The following PAX5 variants were observed in gnomAD, a reference collection of about 807,000 sequenced individuals.
The protein encoded by PAX5 is paired box 5, also known as paired box protein Pax-5.
Under a neutral mutation model 43.7 loss-of-function variants are expected in PAX5, and 9 were observed. The observed-to-expected ratio is 0.21, with a 90% CI of 0.12 to 0.36. The LOEUF (loss-of-function observed/expected upper bound fraction) is 0.36. PAX5 is among the 10% of genes least tolerant of loss of function. The pLI, the probability that PAX5 is intolerant of heterozygous loss-of-function variation, is 1.00. For synonymous variants in PAX5, 228 were observed against 214.3 expected (o/e 1.06, Z -0.56); for missense variants, 383 against 532.7 (o/e 0.72, Z 2.77).
chr9:36,907,829 T>A (rs925741829), intron 7 of PAX5, among the ~76,000 whole-genome samples: 4 of 152,176 alleles, frequency 2.6e-5, no homozygotes, highest in Admixed American at 2.6e-4. Context: ...TCTGATGACA[T>A]CTACAGAATG....
chr9:36,846,394 C>A (rs1395556997), intron 9 of PAX5, among the ~76,000 whole-genome samples: 1 of 152,210 alleles, frequency 6.6e-6, no homozygotes, highest in African/African-American at 2.4e-5. Flanking sequence ...CATCACTAAT[C>A]AATCACTGGG....
intron 5 of PAX5, among the ~76,000 whole-genome samples, chr9:36,976,970 C>T (rs1425948107): frequency 6.6e-6 from 1 of 152,216 alleles, no homozygotes; most frequent in Non-Finnish European, 1.5e-5. Context: ...CCCTGAGCTA[C>T]ATACTGGGTA....
At chr9:37,016,933 A>G (rs1588238233) in intron 2 of PAX5, among the ~76,000 whole-genome samples, 1 of 152,228 alleles carries the variant, frequency 6.6e-6, no homozygotes, top group Admixed American at 6.5e-5. Flanking sequence ...TTTTTCATTG[A>G]AAAGAGTGAG....
At chr9:37,017,324 A>C (rs1422540515) in intron 2 of PAX5, among the ~76,000 whole-genome samples, 2 of 152,224 alleles carry the variant, frequency 1.3e-5, no homozygotes, top group East Asian at 1.9e-4. Context: ...TGACTTGCCC[A>C]ACTCCCTTCT....
chr9:36,861,376 C>A (rs780583129), intron 8 of PAX5: 4 of 150,502 alleles, frequency 2.7e-5, no homozygotes, highest in Non-Finnish European at 4.4e-5. Flanking sequence ...ACAGTCCCTG[C>A]CCTCATGGAG....
At chr9:37,017,390 G>A (rs543728095) in intron 2 of PAX5, among the ~76,000 whole-genome samples, 1 of 152,154 alleles carries the variant, frequency 6.6e-6, no homozygotes, top group Non-Finnish European at 1.5e-5. Flanking sequence ...TGCTCTTCCC[G>A]CTACAGCAAG....
rs770122775 is a variant in PAX5, at chr9:37,006,449, A to G, written c.475+24T>C. ...TATTTGGAGCCCATTAGATTTTTAA[A>G]TTTTTTTTAAAAGTTCCTCTTACCT... On this transcript the variant is annotated intron_variant, in intron 4 of 9. Transcript: ENST00000358127. 11 of 1,581,674 alleles carry G rather than the reference A, an allele frequency of 7.0e-6. No individual in the cohort carries two copies. The East Asian group carries it at 2.5e-4, about 35-fold the overall frequency.
chr9:36,918,627 C>T (rs967222366), intron 7 of PAX5, among the ~76,000 whole-genome samples: 1 of 152,178 alleles, frequency 6.6e-6, no homozygotes, highest in Non-Finnish European at 1.5e-5. Context: ...CACCACTGCA[C>T]TCCAGCCTGG....
chr9:36,928,066 T>C (rs1830798412), intron 6 of PAX5, among the ~76,000 whole-genome samples: 1 of 152,218 alleles, frequency 6.6e-6, no homozygotes, highest in Admixed American at 6.5e-5. Flanking sequence ...CAGCCTCTCT[T>C]CTTTGGTGGG....
At chr9:36,967,520 C>T (rs1487994866) in intron 5 of PAX5, among the ~76,000 whole-genome samples, 1 of 152,112 alleles carries the variant, frequency 6.6e-6, no homozygotes, top group Admixed American at 6.5e-5. Flanking sequence ...AGGAATGAGG[C>T]TTCCTTCTGT....
chr9:36,957,724 G>A (rs749703421), intron 6 of PAX5, among the ~76,000 whole-genome samples: 1 of 152,148 alleles, frequency 6.6e-6, no homozygotes, highest in Admixed American at 6.5e-5. Context: ...TAATTGGGAA[G>A]TCCTGAACAA....
chr9:36,889,711 A>C (rs1013503534), intron 7 of PAX5, among the ~76,000 whole-genome samples: 1 of 152,208 alleles, frequency 6.6e-6, no homozygotes, highest in African/African-American at 2.4e-5. Context: ...CTGGCCTGGC[A>C]CACAGTAGGT....
intron 4 of PAX5, among the ~76,000 whole-genome samples, chr9:37,003,842 T>G (rs184461116): frequency 4.6e-5 from 7 of 152,068 alleles, no homozygotes; most frequent in Non-Finnish European, 8.8e-5. Flanking sequence ...GTCTCAAAAA[T>G]AAAAATAAAA....
rs374673958 is a variant in PAX5, at chr9:37,024,477, C to T, written c.47-3676G>A. On this transcript the variant is annotated intron_variant, in intron 1 of 9. Coordinates refer to ENST00000358127, the MANE Select transcript of PAX5 (RefSeq NM_016734.3). ...ATCTGAGCCTCTACTACCTCAGCCACCTTCCAGGATCTACTGTACCCCCCA... is the reference window on the plus strand; with the variant it reads ...ATCTGAGCCTCTACTACCTCAGCCATCTTCCAGGATCTACTGTACCCCCCA... 4.7e-4 allele frequency among the ~76,000 whole-genome samples: 72 copies of T among 152,306 alleles called. 2 individuals are homozygous for T. In the South Asian group the frequency reaches 0.014, roughly 30 times the overall value.
At chr9:36,921,344 A>G (rs1475124668) in intron 7 of PAX5, among the ~76,000 whole-genome samples, 1 of 152,160 alleles carries the variant, frequency 6.6e-6, no homozygotes, top group Non-Finnish European at 1.5e-5. Flanking sequence ...CCTTACCTGG[A>G]GCCTGAGAGA....
At chr9:36,997,371 G>A (rs1204853165) in intron 5 of PAX5, among the ~76,000 whole-genome samples, 1 of 152,220 alleles carries the variant, frequency 6.6e-6, no homozygotes, top group Non-Finnish European at 1.5e-5. Flanking sequence ...GCTGACCTCA[G>A]TGTGTTCAGG....
rs746160224 is a variant in PAX5, at chr9:36,923,351, T to C, written c.910+4A>G. 6.2e-7 allele frequency: 1 copy of C among 1,609,850 alleles called. No homozygotes were observed. On this transcript the variant is annotated splice_donor_region_variant and intron_variant, in intron 7 of 9. Transcript: ENST00000358127. ...CTCATCCCCCATGCCCCAGGTGCCC[T>C]CACCTGTCACAATGGGGTAGGACTG...
chr9:37,034,098 C>CTTTCTTT lies in PAX5; in HGVS notation c.-68_-67insAAAGAAA, dbSNP rs1841297179. 8 of 320,070 alleles carry CTTTCTTT rather than the reference C, an allele frequency of 2.5e-5. No individual in the cohort carries two copies. In the African/African-American group the frequency reaches 2.6e-4, roughly 10 times the overall value. The allele number at this position is 320,070 out of a possible 1,614,324, so 19.8% of individuals were successfully genotyped here. ...TCCACTTTTTTGTGCCTTTTTTTTT[C>CTTTCTTT]TTTTTTTTTTTTTTTTTTTTTTTTT... On this transcript the variant is annotated 5_prime_UTR_variant, in exon 1 of 10. Coordinates refer to ENST00000358127, the MANE Select transcript of PAX5 (RefSeq NM_016734.3).
intron 6 of PAX5, among the ~76,000 whole-genome samples, chr9:36,951,889 A>G (rs139680834): frequency 2.3e-3 from 343 of 152,306 alleles, no homozygotes; most frequent in African/African-American, 8.0e-3. Context: ...TAATTTGCTC[A>G]CTGGCATCCT....
Sources: allele counts gnomAD v4.1 joint callset (sites outside exome capture counted in the v4.1 genomes callset), GRCh38; gene constraint gnomAD v4.1.1; transcripts MANE v1.5; gene names NCBI Gene and HGNC (gene_info 2026-07-23, HGNC 2026-07-21).